Variants in SLC23A3 observed in about 807,000 individuals in gnomAD.
The protein encoded by SLC23A3 is E2-binding protein 3.
Under a neutral mutation model 64.7 loss-of-function variants are expected in SLC23A3, and 41 were observed. The observed-to-expected ratio is 0.63, with a 90% confidence interval of 0.49 to 0.82. The LOEUF is 0.82. Among genes scored for constraint, SLC23A3 ranks in the 40% least tolerant of loss-of-function variants. The pLI, the probability that SLC23A3 is intolerant of heterozygous loss-of-function variation, is 0.00. For missense variants in SLC23A3, 647 were observed against 733.4 expected (o/e 0.88, Z 1.36); for synonymous variants, 281 against 306.8 (o/e 0.92, Z 0.88).
intron 8 of SLC23A3, chr2:219,164,867 T>A (rs548088212): frequency 7.3e-6 from 3 of 408,168 alleles, no homozygotes; most frequent in South Asian, 7.0e-5. Context: ...CCCACTTTTT[T>A]AAAAAGATAC....
chr2:219,167,959 T>G lies in SLC23A3; in HGVS notation c.884A>C (p.Lys295Thr). Residue 295 changes from lysine to threonine, a missense_variant, in exon 7 of 12, where the codon AAG becomes ACG. Transcript: ENST00000409878. ...GTGAGGCAGCCAAATCCATGGTGCC[T>G]TGGTGGGGGCAGACAGTTCCTGGGG... ...VIPQELSAPT[K>T]APWIWLPHPG... 6.3e-7 allele frequency: 1 copy of G among 1,583,778 alleles called. No homozygotes were observed. The highest frequency in any genetic ancestry group is 8.5e-7 in the Non-Finnish European group (1 of 1,172,006).
intron 9 of SLC23A3, among the ~76,000 whole-genome samples, chr2:219,163,824 C>T (rs1050492793): frequency 1.3e-5 from 2 of 152,138 alleles, no homozygotes; most frequent in Non-Finnish European, 2.9e-5. Flanking sequence ...GCCTCAGCCT[C>T]CCGAGTAGCT....
At position 219,161,988 on chromosome 2, in the gene SLC23A3, T is replaced by A; in HGVS notation, c.1754A>T (p.Glu585Val). 6.2e-7 allele frequency: 1 copy of A among 1,613,656 alleles called. No individual in the cohort carries two copies. The highest frequency in any genetic ancestry group is 8.5e-7 in the Non-Finnish European group (1 of 1,179,724). ...GDEEGGSSEP[E>V]EMADLLPGSG... ...GCCAGGCAGCAAGTCTGCCATCTCT[T>A]CTGGCTCAGAGGAGCCTCCTTCCTC... The change falls in exon 12 of 12, where the codon GAA becomes GTA. Residue 585 changes from glutamate to valine, a missense_variant. By Grantham distance (121) the Glu-to-Val change is moderately radical. Coordinates refer to ENST00000409878, the MANE Select transcript of SLC23A3 (RefSeq NM_001144889.2).
Position 219,169,613 on chromosome 2 carries a change from TG to T in SLC23A3, c.227del (p.Pro76GlnfsTer41). The T allele has an allele frequency of 6.2e-7, 1 of 1,614,136 alleles. No homozygotes were observed. The highest frequency in any genetic ancestry group is 8.5e-7 in the Non-Finnish European group (1 of 1,180,028). On this transcript the variant is annotated frameshift_variant, in exon 2 of 12. Coordinates refer to ENST00000409878, the MANE Select transcript of SLC23A3 (RefSeq NM_001144889.2). LOFTEE classifies it high-confidence loss of function. The surrounding 1 kb of genome is among the most constrained non-coding windows in gnomAD (Gnocchi z 4.5). ...SHLLLLCSLS[P>X]GGLSYSPSQL... ...GAGAAGGGGAGTAAGAGAGTCCTCCTGGGGAGAGACTGCAAAGCAGGAGCAG... is the reference window on the plus strand; with the variant it reads ...GAGAAGGGGAGTAAGAGAGTCCTCCTGGGAGAGACTGCAAAGCAGGAGCAG...
chr2:219,164,141 A>G (rs1949979494), intron 9 of SLC23A3, 92 bp downstream of exon 9: 2 of 793,608 alleles, frequency 2.5e-6, no homozygotes, highest in East Asian at 2.8e-5. Context: ...CAGGAAAGCT[A>G]TTTAGAAGGA....
chr2:219,164,381 G>T, intron 8 of SLC23A3, 43 bp from the exon 9 acceptor site: 1 of 1,311,894 alleles, frequency 7.6e-7, no homozygotes, highest in Non-Finnish European at 1.1e-6. Flanking sequence ...CACTTCCTCA[G>T]ACTGTCCCAG....
In SLC23A3 at chr2:219,169,767, C is replaced by T; in HGVS notation, c.162+56G>A. 6.2e-7 allele frequency: 1 copy of T among 1,608,920 alleles called. No homozygotes were observed. Among genetic ancestry groups the T allele is most frequent in the South Asian group, 1.1e-5 (1 of 90,826 alleles). On this transcript the variant is annotated intron_variant, in intron 1 of 11. Coordinates refer to ENST00000409878, the MANE Select transcript of SLC23A3 (RefSeq NM_001144889.2). This position sits in a 1 kb window ranked among gnomAD's most constrained non-coding sequence, Gnocchi z 4.5. Reference sequence around the variant, plus strand: ...AGGCTTTCACATGCCACATCTACACCTACTTCCCCACACACACCATCAGGC... The same window carrying T: ...AGGCTTTCACATGCCACATCTACACTTACTTCCCCACACACACCATCAGGC...
intron 7 of SLC23A3, among the ~76,000 whole-genome samples, chr2:219,165,705 A>C (rs1309642554): frequency 1.3e-5 from 2 of 152,178 alleles, no homozygotes; most frequent in African/African-American, 4.8e-5. Flanking sequence ...GCCTTTGTAC[A>C]TGCTGTGCTC....
In SLC23A3 at chr2:219,165,194, T is replaced by G. The variant is rs1170941647; in HGVS notation, c.1142A>C (p.Asn381Thr). 3.2e-6 allele frequency: 5 copies of G among 1,551,776 alleles called. No individual in the cohort carries two copies. Among genetic ancestry groups the G allele is most frequent in the Non-Finnish European group, 4.4e-6 (5 of 1,147,076 alleles). The change falls in exon 8 of 12, where the codon AAC becomes ACC. Residue 381 changes from asparagine (N) to threonine (T), a missense_variant. Coordinates refer to ENST00000409878, the MANE Select transcript of SLC23A3 (RefSeq NM_001144889.2). Reference sequence around the variant, plus strand: ...CTGGATAAGACCCACTTTGCCCACGTTGGGGAAGCTGGATGCAGTGCCCAT... The same window carrying G: ...CTGGATAAGACCCACTTTGCCCACGGTGGGGAAGCTGGATGCAGTGCCCAT... Reference protein sequence around the residue: ...SPMGTASSFPNVGKVGLIQAG... With the variant: ...SPMGTASSFPTVGKVGLIQAG...
Position 219,169,688 on chromosome 2 carries a change from G to A in SLC23A3, c.163-10C>T. 15 of 1,613,942 alleles carry A rather than the reference G, an allele frequency of 9.3e-6. No homozygotes were observed. The highest frequency in any genetic ancestry group is 1.3e-5 in the Non-Finnish European group (15 of 1,179,910). The stretch of plus-strand genomic sequence containing the variant: ...CCATGACCAAGACATGCTGCAGGTG[G>A]AGGAATGGGGAGGGCAGTCTTCAGA... On this transcript the variant is annotated splice_polypyrimidine_tract_variant and intron_variant, in intron 1 of 11. Transcript: ENST00000409878. The surrounding 1 kb of genome is among the most constrained non-coding windows in gnomAD (Gnocchi z 4.5).
At position 219,170,000 on chromosome 2, in the gene SLC23A3, G is replaced by A. The variant is rs530206737; in HGVS notation, c.-16C>T. 55 of 1,612,832 alleles carry A rather than the reference G, an allele frequency of 3.4e-5. 1 individual carries two copies. The highest frequency in any genetic ancestry group is 2.1e-4 in the South Asian group (19 of 90,902). ...ATCGGCTCATGCTGCCTTGCCTTTC[G>A]CTTTGTCTTGGCTGCCCGGGACCAG... On this transcript the variant is annotated 5_prime_UTR_variant, in exon 1 of 12. Transcript: ENST00000409878. This position sits in a 1 kb window ranked among gnomAD's most constrained non-coding sequence, Gnocchi z 4.5.
chr2:219,165,748 T>C (rs567910939), intron 7 of SLC23A3, among the ~76,000 whole-genome samples: 1 of 152,372 alleles, frequency 6.6e-6, no homozygotes, highest in South Asian at 2.1e-4. Flanking sequence ...ATATGCAGTT[T>C]CCTGCAACTA....
At chr2:219,163,236 G>A in intron 10 of SLC23A3, 152 bp downstream of exon 10, 1 of 758,314 alleles carries the variant, frequency 1.3e-6, no homozygotes, top group Admixed American at 2.3e-5. Flanking sequence ...TATTCCAAAT[G>A]GCTAGCATAG....
Position 219,169,235 on chromosome 2 carries a change from G to A in SLC23A3, c.418+74C>T, listed in dbSNP as rs755235980. The A allele has an allele frequency of 4.9e-5, 79 of 1,612,356 alleles. No individual in the cohort carries two copies. The highest frequency in any genetic ancestry group is 3.6e-4 in the Middle Eastern group (2 of 5,534). ...CTCACCACTGCCCAATCTCAATTCT[G>A]CACCCACCTACACCTGCATGCTCAG... On this transcript the variant is annotated intron_variant, in intron 3 of 11. Transcript: ENST00000409878. This position sits in a 1 kb window ranked among gnomAD's most constrained non-coding sequence, Gnocchi z 4.5.
rs376147948 is a variant in SLC23A3, at chr2:219,169,719, G to T, written c.163-41C>A. 128 of 1,613,150 alleles carry T rather than the reference G, an allele frequency of 7.9e-5. 1 individual carries two copies. In the African/African-American group the frequency reaches 1.5e-3, roughly 19 times the overall value. On this transcript the variant is annotated intron_variant, in intron 1 of 11. Transcript: ENST00000409878. The surrounding 1 kb of genome is among the most constrained non-coding windows in gnomAD (Gnocchi z 4.5). ...TGGGGAGGGCAGTCTTCAGAGAAGT[G>T]GAAATACCTACAATACTTCCAGAGG...
chr2:219,167,956 G>A lies in SLC23A3; in HGVS notation c.887C>T (p.Ala296Val), dbSNP rs867375736. ...IPQELSAPTK[A>V]PWIWLPHPGE... ...TGGGTGAGGCAGCCAAATCCATGGT[G>A]CCTTGGTGGGGGCAGACAGTTCCTG... Residue 296 changes from alanine (A) to valine (V), a missense_variant, in exon 7 of 12, where the codon GCA (alanine) becomes GTA (valine). Transcript: ENST00000409878. 4 of 1,583,682 alleles carry A rather than the reference G, an allele frequency of 2.5e-6. No homozygotes were observed. The highest frequency in any genetic ancestry group is 4.0e-5 in the Admixed American group (2 of 49,388).
chr2:219,166,516 TATTTATTTTATTTTA>T (rs1463349910), intron 7 of SLC23A3, among the ~76,000 whole-genome samples: 3 of 151,326 alleles, frequency 2.0e-5, no homozygotes, highest in African/African-American at 7.3e-5. Flanking sequence ...TATTTTATTT[TATTTATTTTATTTTA>T]ATTTATTTTA....
At position 219,169,242 on chromosome 2, in the gene SLC23A3, C is replaced by T. The variant is rs772042109; in HGVS notation, c.418+67G>A. The T allele has an allele frequency of 1.7e-5, 28 of 1,613,260 alleles. No homozygotes were observed. Among genetic ancestry groups the T allele is most frequent in the Non-Finnish European group, 1.4e-5 (17 of 1,179,748 alleles). ...CTGCCCAATCTCAATTCTGCACCCA[C>T]CTACACCTGCATGCTCAGATGAGAA... On this transcript the variant is annotated intron_variant, in intron 3 of 11. Coordinates refer to ENST00000409878, the MANE Select transcript of SLC23A3 (RefSeq NM_001144889.2). The surrounding 1 kb of genome is among the most constrained non-coding windows in gnomAD (Gnocchi z 4.5).
chr2:219,164,252 G>T lies in SLC23A3; in HGVS notation c.1254C>A (p.Thr418=). 6.2e-7 allele frequency: 1 copy of T among 1,608,694 alleles called. No homozygotes were observed. The change falls in exon 9 of 12, where the codon ACC becomes ACA. Residue 418 remains threonine (T), a synonymous_variant. Coordinates refer to ENST00000409878, the MANE Select transcript of SLC23A3 (RefSeq NM_001144889.2). ...ACTCACCAACAACAGGCAGTGGGAT[G>T]GTGGTGAGGAGCTGAGCCAACCTGG... ...LSPRLAQLLT[T]IPLPVVGGVL... is the part of the protein sequence containing the mutation.
Sources: gnomAD v4.1 joint callset for allele counts (sites outside exome capture counted in the v4.1 genomes callset) on GRCh38, gnomAD v4.1.1 for gene constraint, Gnocchi (gnomAD v3.1) non-coding constraint, MANE v1.5 for transcripts, NCBI Gene and HGNC (gene_info 2026-07-23, HGNC 2026-07-21) for gene names.